VDAC1: variants seen among roughly 807,000 people sequenced by gnomAD.
VDAC1 encodes the protein voltage dependent anion channel 1.
Under a neutral mutation model 34.7 loss-of-function variants are expected in VDAC1, and 10 were observed. That is an observed-to-expected ratio of 0.29 (90% CI 0.18 to 0.49). VDAC1 has a LOEUF of 0.49. VDAC1 is among the 20% of genes least tolerant of loss of function. The probability of loss-of-function intolerance (pLI) is 0.99; values close to 1 mark genes in which losing one functional copy is unlikely to be tolerated. For missense variants in VDAC1, 230 were observed against 347.9 expected, an observed-to-expected ratio of 0.66 and a Z score of 2.69; for synonymous variants, 130 against 136.0, an observed-to-expected ratio of 0.96 and a Z score of 0.30.
At chr5:134,011,871 C>T in the VDAC1 span, among the ~76,000 whole-genome samples, 2 of 151,906 alleles carry the variant, frequency 1.3e-5, no homozygotes, top group Middle Eastern at 6.8e-3. Flanking sequence ...AACTCCTGAC[C>T]TCAGATGATC....
the VDAC1 span, among the ~76,000 whole-genome samples, chr5:134,063,799 A>G: frequency 6.6e-6 from 1 of 152,124 alleles, no homozygotes; most frequent in African/African-American, 2.4e-5. Context: ...TGAGCAAATA[A>G]AATGATTGTT....
chr5:133,986,788 G>A lies in VDAC1; in HGVS notation c.323+4067C>T, dbSNP rs570435056. ...GGGGAAAAACAAGTACTAGATGAGC[G>A]TGGTACACTTTCTAAAACCAGAAAT... is the stretch of plus-strand genomic sequence containing the variant. On this transcript the variant is annotated intron_variant, in intron 5 of 8. Coordinates refer to ENST00000265333, the MANE Select transcript of VDAC1 (RefSeq NM_003374.3). 2.6e-5 allele frequency among the ~76,000 whole-genome samples: 4 copies of A among 152,226 alleles called. No homozygotes were observed. The South Asian group carries it at 8.3e-4, about 32-fold the overall frequency.
the VDAC1 span, among the ~76,000 whole-genome samples, chr5:134,046,247 C>T: frequency 6.6e-6 from 1 of 152,084 alleles, no homozygotes; most frequent in Non-Finnish European, 1.5e-5. Context: ...CCAGGATTGT[C>T]TCGCTCTCCT....
chr5:134,020,215 G>A, the VDAC1 span, among the ~76,000 whole-genome samples: 1 of 152,032 alleles, frequency 6.6e-6, no homozygotes, highest in Middle Eastern at 3.4e-3. Flanking sequence ...TCCTGCCAGA[G>A]CCAGCATAGT....
At chr5:133,977,465 G>A (rs1169215104) in intron 6 of VDAC1, among the ~76,000 whole-genome samples, 1 of 152,166 alleles carries the variant, frequency 6.6e-6, no homozygotes, top group African/African-American at 2.4e-5. Flanking sequence ...CCCTTCTTCA[G>A]TCATTCAAAT....
the VDAC1 span, among the ~76,000 whole-genome samples, chr5:134,088,743 TC>T: frequency 2.0e-5 from 3 of 152,148 alleles, no homozygotes; most frequent in African/African-American, 7.2e-5. Context: ...CCCACCTACA[TC>T]TTTCCCCCTT....
chr5:134,039,006 A>G, the VDAC1 span, among the ~76,000 whole-genome samples: 3 of 152,162 alleles, frequency 2.0e-5, no homozygotes, highest in Non-Finnish European at 4.4e-5. Flanking sequence ...TATTTGCAAT[A>G]GGCGCCTTAT....
chr5:134,071,154 AT>A, the VDAC1 span, among the ~76,000 whole-genome samples: 6 of 152,152 alleles, frequency 3.9e-5, no homozygotes, highest in Non-Finnish European at 8.8e-5. The surrounding 1 kb of genome is among the most constrained non-coding windows in gnomAD (Gnocchi z 4.1). Flanking sequence ...CCCCGAGGGG[AT>A]CCTCGGCCCA....
chr5:134,082,481 T>G, the VDAC1 span, among the ~76,000 whole-genome samples: 1 of 152,342 alleles, frequency 6.6e-6, no homozygotes, highest in East Asian at 1.9e-4. Context: ...TTGGTAGACA[T>G]TATGGTTGTT....
chr5:134,068,385 G>T, the VDAC1 span, among the ~76,000 whole-genome samples: 1 of 148,900 alleles, frequency 6.7e-6, no homozygotes, highest in Non-Finnish European at 1.5e-5. Context: ...TCAATGAGGG[G>T]ATGTATGTGA....
upstream of VDAC1, among the ~76,000 whole-genome samples, chr5:134,008,625 T>C (rs1753790949): frequency 6.6e-6 from 1 of 152,082 alleles, no homozygotes; most frequent in Non-Finnish European, 1.5e-5. Flanking sequence ...TTCAAGAACA[T>C]AGGATGAAAC....
chr5:134,114,215 G>A, the VDAC1 span, among the ~76,000 whole-genome samples: 1 of 152,172 alleles, frequency 6.6e-6, no homozygotes, highest in Non-Finnish European at 1.5e-5. Flanking sequence ...CCGCAACAGC[G>A]CCGCGGAGTT....
chr5:134,082,717 G>A, the VDAC1 span, among the ~76,000 whole-genome samples: 458 of 152,276 alleles, frequency 3.0e-3, 2 homozygotes, highest in Non-Finnish European at 5.4e-3. Flanking sequence ...CACCTGGTAT[G>A]GTCAGTTCGG....
chr5:134,032,195 G>A, the VDAC1 span, among the ~76,000 whole-genome samples: 1 of 149,248 alleles, frequency 6.7e-6, no homozygotes, highest in Non-Finnish European at 1.5e-5. Context: ...GCCAAGGAAT[G>A]CAAGGAGTAC....
intron 5 of VDAC1, among the ~76,000 whole-genome samples, chr5:133,989,701 T>C (rs1753031241): frequency 6.7e-6 from 1 of 149,940 alleles, no homozygotes; most frequent in Non-Finnish European, 1.5e-5. Context: ...TCGCTCTTCT[T>C]GCCCAGGGTG....
intron 1 of VDAC1, among the ~76,000 whole-genome samples, chr5:134,000,416 G>A (rs1399886840): frequency 6.6e-6 from 1 of 152,214 alleles, no homozygotes; most frequent in Non-Finnish European, 1.5e-5. Flanking sequence ...ACTCAGGGCA[G>A]CCTGCCCACC....
intron 1 of VDAC1, among the ~76,000 whole-genome samples, chr5:133,996,018 C>A (rs894219848): frequency 3.2e-4 from 49 of 152,200 alleles, no homozygotes; most frequent in African/African-American, 1.1e-3. Context: ...ATCCACCCCC[C>A]AGGGGCCTTC....
At chr5:134,065,669 C>A in the VDAC1 span, among the ~76,000 whole-genome samples, 16 of 151,676 alleles carry the variant, frequency 1.1e-4, no homozygotes, top group Non-Finnish European at 1.2e-4. Flanking sequence ...AGTTTTATTT[C>A]ATTAAGATGA....
chr5:134,047,301 G>C, the VDAC1 span, among the ~76,000 whole-genome samples: 15 of 152,290 alleles, frequency 9.8e-5, no homozygotes, highest in Admixed American at 6.5e-4. Context: ...CAGAGACTCA[G>C]GTAGGTGGTA....
Sources: allele counts gnomAD v4.1 joint callset (sites outside exome capture counted in the v4.1 genomes callset), GRCh38; gene constraint gnomAD v4.1.1; non-coding constraint Gnocchi (gnomAD v3.1); transcripts MANE v1.5; gene names NCBI Gene and HGNC (gene_info 2026-07-23, HGNC 2026-07-21).